The following GALNT10 variants were observed in gnomAD, a reference collection of about 807,000 sequenced individuals.
GALNT10 encodes the protein polypeptide N-acetylgalactosaminyltransferase 10, also known as GalNAc transferase 10.
In GALNT10, 41 loss-of-function variants were observed where a neutral mutation model predicts 75.0. That is an observed-to-expected ratio of 0.55 (90% CI 0.43 to 0.71). The LOEUF is 0.71. Ranked by LOEUF, GALNT10 falls within the 30% of genes least tolerant of loss-of-function variation. The pLI, the probability that GALNT10 is intolerant of heterozygous loss-of-function variation, is 0.00. For synonymous variants in GALNT10, 302 were observed against 313.0 expected, an observed-to-expected ratio of 0.96 and a Z score of 0.37; for missense variants, 727 against 818.5, an observed-to-expected ratio of 0.89 and a Z score of 1.36.
chr5:154,251,875 A>G (rs942175886), intron 1 of GALNT10, among the ~76,000 whole-genome samples: 1 of 152,180 alleles, frequency 6.6e-6, no homozygotes, highest in African/African-American at 2.4e-5. Context: ...TTGAGATTGG[A>G]CAGGGGGAGG....
intron 4 of GALNT10, among the ~76,000 whole-genome samples, chr5:154,363,197 G>A (rs541934125): frequency 1.3e-5 from 2 of 152,284 alleles, no homozygotes; most frequent in East Asian, 3.9e-4. Context: ...TATTGGGTGA[G>A]AAATAGAGCA....
intron 1 of GALNT10, among the ~76,000 whole-genome samples, chr5:154,277,325 A>G (rs1753967342): frequency 6.6e-6 from 1 of 151,864 alleles, no homozygotes; most frequent in African/African-American, 2.4e-5. Flanking sequence ...TAGAGGAGGA[A>G]GAAGGATGAG....
chr5:154,333,434 C>T lies in GALNT10; in HGVS notation c.568+3696C>T, dbSNP rs116615488. Among the ~76,000 whole-genome samples, 809 of 152,242 alleles carry T rather than the reference C, an allele frequency of 5.3e-3. 7 individuals are homozygous for T. Among genetic ancestry groups the T allele is most frequent in the African/African-American group, 0.018 (762 of 41,534 alleles). ...AATAAATTACTTTCCCATTGTATTACGGTGCAAACTTTTTGCCGAAAAGAA... is the reference window on the plus strand; with the variant it reads ...AATAAATTACTTTCCCATTGTATTATGGTGCAAACTTTTTGCCGAAAAGAA... On this transcript the variant is annotated intron_variant, in intron 4 of 11. Coordinates refer to ENST00000297107, the MANE Select transcript of GALNT10 (RefSeq NM_198321.4).
chr5:154,200,974 T>TTTTTTG (rs1228341247), intron 1 of GALNT10, among the ~76,000 whole-genome samples: 3 of 152,200 alleles, frequency 2.0e-5, no homozygotes, highest in African/African-American at 7.2e-5. Flanking sequence ...AATTTCTGTT[T>TTTTTTG]TTTTTGTTTT....
intron 8 of GALNT10, among the ~76,000 whole-genome samples, chr5:154,406,424 A>G (rs1756282329): frequency 6.6e-6 from 1 of 152,226 alleles, no homozygotes; most frequent in African/African-American, 2.4e-5. Context: ...TCGCAGAACC[A>G]CAGAGATGCC....
intron 1 of GALNT10, among the ~76,000 whole-genome samples, chr5:154,191,679 TG>T (rs1774863347): frequency 6.6e-6 from 1 of 152,272 alleles, no homozygotes; most frequent in Non-Finnish European, 1.5e-5. Flanking sequence ...GGTAAGCTCC[TG>T]GTCCTTGAGG....
chr5:154,264,744 C>T (rs942556219), intron 1 of GALNT10, among the ~76,000 whole-genome samples: 5 of 152,146 alleles, frequency 3.3e-5, no homozygotes, highest in Non-Finnish European at 5.9e-5. Flanking sequence ...TCCACAGTGA[C>T]CCTTTGGTCT....
At chr5:154,359,184 G>A (rs1755343795) in intron 4 of GALNT10, among the ~76,000 whole-genome samples, 1 of 152,080 alleles carries the variant, frequency 6.6e-6, no homozygotes, top group Non-Finnish European at 1.5e-5. Flanking sequence ...TAACGCCATG[G>A]TAAACGCACC....
chr5:154,372,200 G>A (rs1010580562), intron 4 of GALNT10, among the ~76,000 whole-genome samples: 1 of 152,174 alleles, frequency 6.6e-6, no homozygotes, highest in Non-Finnish European at 1.5e-5. Context: ...TGTGCCCTCA[G>A]TTTCCTCATC....
Position 154,225,266 on chromosome 5 carries a change from G to A in GALNT10, c.159+34241G>A, listed in dbSNP as rs376473627. Reference sequence around the variant, plus strand: ...CGCCACCATGCCCGGCTAATTTTTTGTATTTTTAGTAGAGATGGGATTTCA... The same window carrying A: ...CGCCACCATGCCCGGCTAATTTTTTATATTTTTAGTAGAGATGGGATTTCA... On this transcript the variant is annotated intron_variant, in intron 1 of 11. Transcript: ENST00000297107. Among the ~76,000 whole-genome samples, 9 of 150,436 alleles carry A rather than the reference G, an allele frequency of 6.0e-5. No individual in the cohort carries two copies. In the East Asian group the frequency reaches 1.4e-3, roughly 23 times the overall value.
chr5:154,257,151 TA>T (rs1753627445), intron 1 of GALNT10, among the ~76,000 whole-genome samples: 1 of 152,162 alleles, frequency 6.6e-6, no homozygotes, highest in Non-Finnish European at 1.5e-5. Context: ...AGACTCAGGT[TA>T]AGCAATTGCC....
chr5:154,354,348 T>G (rs952705886), intron 4 of GALNT10, among the ~76,000 whole-genome samples: 3 of 152,160 alleles, frequency 2.0e-5, no homozygotes, highest in African/African-American at 7.2e-5. Flanking sequence ...TTCAGGAAAC[T>G]TCAAGGGGTG....
At chr5:154,331,835 C>G (rs1308449887) in intron 4 of GALNT10, among the ~76,000 whole-genome samples, 3 of 152,212 alleles carry the variant, frequency 2.0e-5, no homozygotes. Flanking sequence ...CTTCACCCCT[C>G]TCTTTATAAT....
intron 1 of GALNT10, among the ~76,000 whole-genome samples, chr5:154,202,818 T>TG (rs1210621118): frequency 1.3e-5 from 2 of 152,094 alleles, no homozygotes; most frequent in East Asian, 3.9e-4. Flanking sequence ...CCCGCTAGGG[T>TG]GGGGCCTCTC....
chr5:154,268,647 A>T (rs984573013), intron 1 of GALNT10, among the ~76,000 whole-genome samples: 1 of 152,218 alleles, frequency 6.6e-6, no homozygotes, highest in African/African-American at 2.4e-5. Context: ...GTAACTTTGG[A>T]CTTGCATTCT....
intron 4 of GALNT10, among the ~76,000 whole-genome samples, chr5:154,356,766 G>A (rs1399722003): frequency 1.3e-5 from 2 of 152,178 alleles, no homozygotes; most frequent in African/African-American, 2.4e-5. Context: ...CATTAGGGAG[G>A]AAGGGCCAGC....
At chr5:154,201,137 A>G (rs749406125) in intron 1 of GALNT10, among the ~76,000 whole-genome samples, 6 of 152,132 alleles carry the variant, frequency 3.9e-5, no homozygotes, top group Admixed American at 1.3e-4. Context: ...AGTGGTCTCA[A>G]ACCTGGGCAC....
At chr5:154,279,330 C>T (rs1467262520) in intron 1 of GALNT10, among the ~76,000 whole-genome samples, 1 of 132,600 alleles carries the variant, frequency 7.5e-6, no homozygotes, top group African/African-American at 3.0e-5. Flanking sequence ...TGAGATGGAG[C>T]TTTGCTCTTG....
intron 1 of GALNT10, among the ~76,000 whole-genome samples, chr5:154,240,893 G>A (rs1753325590): frequency 6.6e-6 from 1 of 152,158 alleles, no homozygotes; most frequent in Non-Finnish European, 1.5e-5. Flanking sequence ...AGAGCCTCAA[G>A]TGTCCTCATT....
Sources: allele counts gnomAD v4.1 joint callset (sites outside exome capture counted in the v4.1 genomes callset), GRCh38; gene constraint gnomAD v4.1.1; transcripts MANE v1.5; gene names NCBI Gene and HGNC (gene_info 2026-07-23, HGNC 2026-07-21).